Variants in PGM2L1 observed in about 807,000 individuals in gnomAD.
PGM2L1 encodes glucose 1,6-bisphosphate synthase.
In PGM2L1, 35 loss-of-function variants were observed where a neutral mutation model predicts 73.4. That is an observed-to-expected ratio of 0.48 (90% confidence interval 0.36 to 0.63). PGM2L1 has a LOEUF of 0.63. Ranked by LOEUF, PGM2L1 falls within the 30% of genes least tolerant of loss-of-function variation. The probability of loss-of-function intolerance (pLI) is 0.00; values close to 1 mark genes in which losing one functional copy is unlikely to be tolerated. For missense variants in PGM2L1, 570 were observed against 742.0 expected (o/e 0.77, Z 2.69); for synonymous variants, 225 against 253.8 (o/e 0.89, Z 1.08).
chr11:74,335,790 T>A lies in PGM2L1; in HGVS notation c.*862A>T, dbSNP rs1467109332. 6.6e-6 allele frequency: 1 copy of A among 152,650 alleles called. No homozygotes were observed. Among genetic ancestry groups the A allele is most frequent in the Non-Finnish European group, 1.5e-5 (1 of 68,042 alleles). The allele number at this position is 152,650 out of a possible 1,614,324, so 9.5% of individuals were successfully genotyped here. Reference sequence around the variant, plus strand: ...AGCTTGCTTTTATTAAGATCTTTATTTATATTCCTAAGATTTTAAAATCAG... The same window carrying A: ...AGCTTGCTTTTATTAAGATCTTTATATATATTCCTAAGATTTTAAAATCAG... On this transcript the variant is annotated 3_prime_UTR_variant, in exon 14 of 14. Coordinates refer to ENST00000298198, the MANE Select transcript of PGM2L1 (RefSeq NM_173582.6).
chr11:74,343,766 T>C (rs1384506196), intron 9 of PGM2L1, among the ~76,000 whole-genome samples: 5 of 146,160 alleles, frequency 3.4e-5, no homozygotes, highest in Admixed American at 6.9e-5. Context: ...TGCTTTACAT[T>C]ATCTTTTTTT....
intron 8 of PGM2L1, among the ~76,000 whole-genome samples, chr11:74,345,874 T>A (rs1352490681): frequency 6.6e-6 from 1 of 152,206 alleles, no homozygotes; most frequent in African/African-American, 2.4e-5. Flanking sequence ...TTACATTTAT[T>A]CTTTTACTTA....
chr11:74,365,901 G>A (rs895454147), intron 5 of PGM2L1, among the ~76,000 whole-genome samples: 1 of 151,976 alleles, frequency 6.6e-6, no homozygotes, highest in African/African-American at 2.4e-5. Context: ...TGCTATAAAG[G>A]CACATGCACA....
At chr11:74,391,705 T>C (rs1266914327) in intron 1 of PGM2L1, among the ~76,000 whole-genome samples, 1 of 152,228 alleles carries the variant, frequency 6.6e-6, no homozygotes, top group African/African-American at 2.4e-5. Flanking sequence ...TCATGCAGCT[T>C]ATTTCCTTTT....
At chr11:74,341,325 T>C (rs779992233) in intron 12 of PGM2L1, among the ~76,000 whole-genome samples, 1 of 152,158 alleles carries the variant, frequency 6.6e-6, no homozygotes, top group Non-Finnish European at 1.5e-5. Flanking sequence ...ACCCCCAAAC[T>C]GGGGCTCAGC....
intron 12 of PGM2L1, 24 bp from the exon 13 acceptor site, chr11:74,338,625 T>C: frequency 6.4e-7 from 1 of 1,561,080 alleles, no homozygotes. Flanking sequence ...CAACAACAGC[T>C]TAATTATACT....
intron 6 of PGM2L1, 146 bp from the exon 7 acceptor site, chr11:74,347,483 A>G (rs1298708648): frequency 1.6e-6 from 1 of 638,788 alleles, no homozygotes; most frequent in African/African-American, 1.9e-5. Flanking sequence ...CAAACAAATC[A>G]AGAGTACTAA....
At chr11:74,338,153 C>T (rs546297807) in intron 13 of PGM2L1, among the ~76,000 whole-genome samples, 10 of 152,206 alleles carry the variant, frequency 6.6e-5, no homozygotes, top group South Asian at 2.1e-4. Flanking sequence ...AAGTAAAAGA[C>T]GGCAGTCACA....
chr11:74,363,409 T>A (rs970151121), intron 5 of PGM2L1, among the ~76,000 whole-genome samples: 1 of 150,196 alleles, frequency 6.7e-6, no homozygotes, highest in Non-Finnish European at 1.5e-5. Context: ...CTGAAGGAGA[T>A]AGAGACACAG....
At chr11:74,348,239 G>A (rs1862298924) in intron 6 of PGM2L1, among the ~76,000 whole-genome samples, 1 of 152,062 alleles carries the variant, frequency 6.6e-6, no homozygotes, top group Admixed American at 6.6e-5. Context: ...TCTAGTCTCT[G>A]TTTCTTTGGT....
intron 1 of PGM2L1, 43 bp from the exon 2 acceptor site, chr11:74,374,625 G>C: frequency 1.3e-6 from 2 of 1,566,558 alleles, no homozygotes; most frequent in East Asian, 2.2e-5. Flanking sequence ...AATCCAAGCA[G>C]AGTCCTAATA....
At chr11:74,382,650 C>T (rs746973168) in intron 1 of PGM2L1, among the ~76,000 whole-genome samples, 1 of 152,062 alleles carries the variant, frequency 6.6e-6, no homozygotes, top group Non-Finnish European at 1.5e-5. Context: ...AGGCATACAC[C>T]ACTGTGCCTG....
At chr11:74,392,370 A>G (rs1591194786) in intron 1 of PGM2L1, among the ~76,000 whole-genome samples, 1 of 152,268 alleles carries the variant, frequency 6.6e-6, no homozygotes, top group Non-Finnish European at 1.5e-5. Flanking sequence ...TTTGAATTCT[A>G]AAAAGAAAAA....
At chr11:74,353,002 T>C (rs1276191532) in intron 5 of PGM2L1, among the ~76,000 whole-genome samples, 1 of 152,168 alleles carries the variant, frequency 6.6e-6, no homozygotes, top group Non-Finnish European at 1.5e-5. Context: ...ACAGAGATCA[T>C]GAGGAAGCAT....
In PGM2L1 at chr11:74,332,893, A is replaced by T. The variant is rs1862035751; in HGVS notation, c.*3759T>A. ...CCTCAAATAACCTAAGCCACTATACATTCTTCAAGATGAACAAAATTTTGT... is the reference window on the plus strand; with the variant it reads ...CCTCAAATAACCTAAGCCACTATACTTTCTTCAAGATGAACAAAATTTTGT... On this transcript the variant is annotated 3_prime_UTR_variant, in exon 14 of 14. Coordinates refer to ENST00000298198, the MANE Select transcript of PGM2L1 (RefSeq NM_173582.6). 1 of 152,626 alleles carries T rather than the reference A, an allele frequency of 6.6e-6. No homozygotes were observed. Among genetic ancestry groups the T allele is most frequent in the South Asian group, 2.1e-4 (1 of 4,832 alleles). 9.5% of individuals were successfully genotyped at this position (152,626 alleles called of 1,614,324 possible).
intron 1 of PGM2L1, among the ~76,000 whole-genome samples, chr11:74,381,644 T>C (rs1446953737): frequency 1.4e-5 from 2 of 141,134 alleles, no homozygotes; most frequent in Non-Finnish European, 3.0e-5. Context: ...AGTGGGGATA[T>C]ATCAGCTCAC....
rs1341342510 is a variant in PGM2L1 at position 74,364,125 on chromosome 11, C to A, written c.555+4367G>T. On this transcript the variant is annotated intron_variant, in intron 5 of 13. Coordinates refer to ENST00000298198, the MANE Select transcript of PGM2L1 (RefSeq NM_173582.6). ...CCAAAGACAAAAACCACATGATTAT[C>A]TCAATAGATGCAGAAAAGGCCTTTG... is the stretch of plus-strand genomic sequence containing the variant. 2.6e-5 allele frequency among the ~76,000 whole-genome samples: 4 copies of A among 152,300 alleles called. No individual in the cohort carries two copies. In the South Asian group the frequency reaches 8.3e-4, roughly 32 times the overall value.
At chr11:74,346,436 A>T (rs1216807237) in intron 8 of PGM2L1, among the ~76,000 whole-genome samples, 1 of 152,170 alleles carries the variant, frequency 6.6e-6, no homozygotes, top group East Asian at 1.9e-4. Flanking sequence ...CATTATACTT[A>T]ACCATTACAC....
chr11:74,360,938 G>A (rs1862553481), intron 5 of PGM2L1, among the ~76,000 whole-genome samples: 1 of 152,214 alleles, frequency 6.6e-6, no homozygotes, highest in Non-Finnish European at 1.5e-5. Context: ...TGCTCAGGGA[G>A]GCCTGCCTGC....
Sources: gnomAD v4.1 joint callset for allele counts (sites outside exome capture counted in the v4.1 genomes callset) on GRCh38, gnomAD v4.1.1 for gene constraint, MANE v1.5 for transcripts, NCBI Gene and HGNC (gene_info 2026-07-23, HGNC 2026-07-21) for gene names.